RNF19B: variants seen among roughly 807,000 people sequenced by gnomAD.
RNF19B encodes the protein E3 ubiquitin-protein ligase RNF19B.
Under a neutral mutation model 65.5 loss-of-function variants are expected in RNF19B, and 23 were observed. That is an observed-to-expected ratio of 0.35 (90% confidence interval 0.25 to 0.50). The LOEUF (loss-of-function observed/expected upper bound fraction) is 0.50, where lower values mean the gene tolerates loss of function less well. Among genes scored for constraint, RNF19B ranks in the 20% least tolerant of loss-of-function variants. RNF19B has a pLI of 0.98. For missense variants in RNF19B, 794 were observed against 980.0 expected (o/e 0.81, Z 2.53); for synonymous variants, 372 against 379.6 (o/e 0.98, Z 0.23).
intron 7 of RNF19B, among the ~76,000 whole-genome samples, chr1:32,940,295 G>A (rs1014609168): frequency 2.0e-5 from 3 of 152,138 alleles, no homozygotes; most frequent in Admixed American, 6.5e-5. Flanking sequence ...CACCCCCTAG[G>A]TGCCACTCCA....
chr1:32,964,479 A>C lies in RNF19B; in HGVS notation c.207T>G (p.Pro69=). Residue 69 remains proline, a synonymous_variant, in exon 1 of 9, where the codon CCT becomes CCG. Coordinates refer to ENST00000235150, the MANE Select transcript of RNF19B (RefSeq NM_001300826.2). This position sits in a 1 kb window ranked among gnomAD's most constrained non-coding sequence, Gnocchi z 6.5. ...CGGGCGGCGGGCCCTGGGCCGCGGCAGGGGCCGGGGCGGGCGGCGGCTGCG... is the reference window on the plus strand; with the variant it reads ...CGGGCGGCGGGCCCTGGGCCGCGGCCGGGGCCGGGGCGGGCGGCGGCTGCG... ...PAAQPPPAPA[P]AAAQGPPPEA... 1.1e-6 allele frequency: 1 copy of C among 941,282 alleles called. No individual in the cohort carries two copies. The highest frequency in any genetic ancestry group is 5.0e-5 in the South Asian group (1 of 20,030). 58.3% of individuals were successfully genotyped at this position (941,282 alleles called of 1,614,324 possible). A position where few individuals can be genotyped will look rare whatever the true frequency, so the allele number is the denominator to read the frequency against.
At chr1:32,931,386 A>T in the RNF19B span, among the ~76,000 whole-genome samples, 8 of 152,260 alleles carry the variant, frequency 5.3e-5, no homozygotes, top group East Asian at 1.4e-3. Context: ...GTGGGACACG[A>T]GAAGTATTAG....
intron 8 of RNF19B, 192 bp downstream of exon 8, chr1:32,938,205 C>A: frequency 2.3e-5 from 8 of 343,492 alleles, no homozygotes; most frequent in South Asian, 6.5e-5. Flanking sequence ...CTCTAAAAAT[C>A]AAGCGCTAAC....
intron 1 of RNF19B, among the ~76,000 whole-genome samples, chr1:32,957,224 C>G (rs1187177084): frequency 6.6e-6 from 1 of 152,148 alleles, no homozygotes; most frequent in Non-Finnish European, 1.5e-5. Flanking sequence ...AGGCTGGTCT[C>G]GAACTCCTGG....
At chr1:32,933,463 G>C (rs1169167421), downstream of RNF19B, among the ~76,000 whole-genome samples, 1 of 151,972 alleles carries the variant, frequency 6.6e-6, no homozygotes, top group Non-Finnish European at 1.5e-5. Flanking sequence ...ACCCGTGTTA[G>C]CCAGGATGGT....
At chr1:32,935,766 T>C (rs1482534310), downstream of RNF19B, among the ~76,000 whole-genome samples, 1 of 152,128 alleles carries the variant, frequency 6.6e-6, no homozygotes, top group Non-Finnish European at 1.5e-5. Flanking sequence ...AGAACTCTTT[T>C]TTTTTTGAGA....
chr1:32,938,284 T>A (rs1642154900), intron 8 of RNF19B, 113 bp downstream of exon 8: 4 of 1,126,096 alleles, frequency 3.6e-6, no homozygotes, highest in Middle Eastern at 2.0e-4. Context: ...CAGGTTACAC[T>A]ATATATCCCA....
chr1:32,963,931 C>G (rs1642834618), intron 1 of RNF19B, 120 bp downstream of exon 1: 1 of 1,344,854 alleles, frequency 7.4e-7, no homozygotes, highest in Non-Finnish European at 9.5e-7. Context: ...GTTACCACCC[C>G]GCCGAAGCTG....
downstream of RNF19B, among the ~76,000 whole-genome samples, chr1:32,933,425 T>G (rs1490008670): frequency 6.6e-6 from 1 of 151,916 alleles, no homozygotes; most frequent in Non-Finnish European, 1.5e-5. Context: ...CGGCTAATTT[T>G]GTGTATTTTT....
intron 3 of RNF19B, among the ~76,000 whole-genome samples, chr1:32,947,372 C>T (rs1419551798): frequency 6.6e-6 from 1 of 152,184 alleles, no homozygotes; most frequent in Non-Finnish European, 1.5e-5. Flanking sequence ...AATATTCACT[C>T]AATGAGGCTG....
chr1:32,964,379 C>T lies in RNF19B; in HGVS notation c.307G>A (p.Asp103Asn), dbSNP rs1642850107. The change falls in exon 1 of 9, where the codon GAT (aspartate) becomes AAT (asparagine). Residue 103 changes from aspartate to asparagine, a missense_variant. This residue lies in a region of RNF19B where 374 missense variants were observed against 423.8 expected (regional missense o/e 0.88). Transcript: ENST00000235150. This position sits in a 1 kb window ranked among gnomAD's most constrained non-coding sequence, Gnocchi z 6.5. Reference protein sequence around the residue: ...AAAAAEPGFDDEEAAEGGGPG... With the variant: ...AAAAAEPGFDNEEAAEGGGPG... ...CCACCGCCCTCCGCCGCCTCCTCATCGTCGAACCCAGGCTCCGCCGCCGCC... is the reference window on the plus strand; with the variant it reads ...CCACCGCCCTCCGCCGCCTCCTCATTGTCGAACCCAGGCTCCGCCGCCGCC... 1.4e-6 allele frequency: 2 copies of T among 1,381,038 alleles called. No individual in the cohort carries two copies. The allele number at this position is 1,381,038 out of a possible 1,614,324, so 85.5% of individuals were successfully genotyped here. A position where few individuals can be genotyped will look rare whatever the true frequency, so the allele number is the denominator to read the frequency against.
intron 3 of RNF19B, 100 bp downstream of exon 3, chr1:32,948,122 A>G (rs1642410285): frequency 1.5e-5 from 19 of 1,299,546 alleles, no homozygotes; most frequent in Non-Finnish European, 2.0e-5. Flanking sequence ...AGCTTCCTTA[A>G]ACCTGTAATG....
chr1:32,943,829 G>A (rs1252260152), intron 6 of RNF19B, among the ~76,000 whole-genome samples, 190 bp downstream of exon 6: 1 of 152,058 alleles, frequency 6.6e-6, no homozygotes, highest in Non-Finnish European at 1.5e-5. Flanking sequence ...GCCACACAGA[G>A]GCAAGTACCA....
chr1:32,961,193 A>G (rs778240699), intron 1 of RNF19B, among the ~76,000 whole-genome samples: 6 of 152,220 alleles, frequency 3.9e-5, no homozygotes, highest in African/African-American at 7.2e-5. Context: ...CCTATTTCAG[A>G]TAAGAAAAAT....
intron 6 of RNF19B, 84 bp from the exon 7 acceptor site, chr1:32,942,543 G>T: frequency 8.8e-7 from 1 of 1,130,336 alleles, no homozygotes; most frequent in Non-Finnish European, 1.3e-6. Context: ...ACTTTTCAGA[G>T]AACTAATGTA....
At chr1:32,936,352 G>A (rs924565174), downstream of RNF19B, 1 of 153,372 alleles carries the variant, frequency 6.5e-6, no homozygotes, top group Non-Finnish European at 1.5e-5. Flanking sequence ...TCTTCCCTTG[G>A]ATTAGAAAAA....
chr1:32,935,183 G>A (rs1642077070), downstream of RNF19B, among the ~76,000 whole-genome samples: 1 of 150,880 alleles, frequency 6.6e-6, no homozygotes, highest in Non-Finnish European at 1.5e-5. Context: ...CTGCCTCCCA[G>A]GCTGCAGTGC....
At chr1:32,963,943 C>T (rs1366963259) in intron 1 of RNF19B, 108 bp downstream of exon 1, 3 of 1,347,824 alleles carry the variant, frequency 2.2e-6, no homozygotes, top group African/African-American at 1.5e-5. Flanking sequence ...CCGAAGCTGC[C>T]GCCTTGCGGG....
At chr1:32,936,377 C>A (rs1642097204), downstream of RNF19B, 1 of 154,656 alleles carries the variant, frequency 6.5e-6, no homozygotes, top group East Asian at 1.9e-4. Flanking sequence ...GGTCTAGAGA[C>A]TGTCAAAGAT....
Sources: allele counts gnomAD v4.1 joint callset (sites outside exome capture counted in the v4.1 genomes callset), GRCh38; gene constraint gnomAD v4.1.1; regional missense constraint gnomAD v4.1.1; non-coding constraint Gnocchi (gnomAD v3.1); transcripts MANE v1.5; gene names NCBI Gene and HGNC (gene_info 2026-07-23, HGNC 2026-07-21).